EXD3: variants seen among roughly 807,000 people sequenced by gnomAD.
The protein encoded by EXD3 is exonuclease mut-7 homolog.
A neutral mutation model predicts 98.0 loss-of-function variants in EXD3; 92 were observed. That is an observed-to-expected ratio of 0.94 (90% CI 0.79 to 1.12). The LOEUF is 1.12. EXD3 is among the 50% of genes most tolerant of loss of function. The pLI is 0.00. For missense variants in EXD3, 1,222 were observed against 1,191.6 expected, an observed-to-expected ratio of 1.03 and a Z score of -0.38; for synonymous variants, 569 against 526.0, an observed-to-expected ratio of 1.08 and a Z score of -1.12.
In EXD3 at chr9:137,324,026, C is replaced by T. The variant is rs374077584; in HGVS notation, c.2052+64G>A. 6.9e-5 allele frequency: 106 copies of T among 1,545,052 alleles called. No individual in the cohort carries two copies. The highest frequency in any genetic ancestry group is 1.9e-4 in the East Asian group (8 of 41,206). On this transcript the variant is annotated intron_variant, in intron 18 of 21. Coordinates refer to ENST00000340951, the MANE Select transcript of EXD3 (RefSeq NM_017820.5). This position sits in a 1 kb window ranked among gnomAD's most constrained non-coding sequence, Gnocchi z 4.1. ...AAGCTGACCCTGAGGTGGGGGTGGC[C>T]GAGGGGCTGGGGGCTTGGGAAGATG...
At chr9:137,377,445 T>TAA (rs60776134) in intron 3 of EXD3, among the ~76,000 whole-genome samples, 1,987 of 94,382 alleles carry the variant, frequency 0.021, 60 homozygotes, top group African/African-American at 0.071. Flanking sequence ...ACTCTGTCTC[T>TAA]AAAAAAAAAA....
intron 19 of EXD3, among the ~76,000 whole-genome samples, chr9:137,318,015 G>A (rs1292879790): frequency 6.6e-6 from 1 of 152,026 alleles, no homozygotes; most frequent in Admixed American, 6.5e-5. Context: ...ACCTCTTCCT[G>A]TCTGTCCCTC....
chr9:137,391,339 G>A (rs894961077), intron 2 of EXD3, among the ~76,000 whole-genome samples: 8 of 152,238 alleles, frequency 5.3e-5, no homozygotes, highest in African/African-American at 1.9e-4. Context: ...CGTCTGGAGC[G>A]TGGACGCTGG....
rs376504398 is a variant in EXD3, at chr9:137,351,533, G to A, written c.1174-5C>T. 340 of 1,570,172 alleles carry A rather than the reference G, an allele frequency of 2.2e-4. 1 individual carries two copies. The African/African-American group carries it at 3.9e-3, about 18-fold the overall frequency. ...TACACCAACCACTTGGTGGCACTGC[G>A]GGCAGAGAGGGGCAGATGTGATCAT... On this transcript the variant is annotated splice_polypyrimidine_tract_variant and splice_region_variant and intron_variant, in intron 12 of 21. Transcript: ENST00000340951.
chr9:137,368,486 G>T (rs959878173), intron 5 of EXD3, among the ~76,000 whole-genome samples: 2 of 152,210 alleles, frequency 1.3e-5, no homozygotes, highest in Non-Finnish European at 2.9e-5. Context: ...AGGCGGAGAC[G>T]GGCACCCCGC....
At chr9:137,351,671 G>T (rs1834313925) in intron 12 of EXD3, 143 bp from the exon 13 acceptor site, 1 of 763,946 alleles carries the variant, frequency 1.3e-6, no homozygotes, top group Non-Finnish European at 2.1e-6. Context: ...GGCTGGGGCT[G>T]TTGGGGGCAC....
intron 1 of EXD3, among the ~76,000 whole-genome samples, chr9:137,397,424 G>A (rs569269674): frequency 2.4e-4 from 37 of 152,250 alleles, no homozygotes; most frequent in Admixed American, 1.3e-3. Context: ...CCACCGGAGC[G>A]AAAAACAATG....
chr9:137,315,617 G>A (rs917757918), intron 19 of EXD3, among the ~76,000 whole-genome samples: 1 of 152,102 alleles, frequency 6.6e-6, no homozygotes, highest in East Asian at 1.9e-4. Context: ...CCCCCACCCC[G>A]GGGGAGGGGG....
rs199656190 is a variant in EXD3, at chr9:137,352,050, C to T, written c.1173+16G>A. The T allele has an allele frequency of 3.7e-4, 586 of 1,602,016 alleles. No individual in the cohort carries two copies. The Middle Eastern group carries it at 7.5e-3, about 20-fold the overall frequency. On this transcript the variant is annotated intron_variant, in intron 12 of 21. Transcript: ENST00000340951. Reference sequence around the variant, plus strand: ...ATCCCACCACCGGGCGCTGCCCCAGCGGCCGAGGGAACCACCTGCAGGAGT... The same window carrying T: ...ATCCCACCACCGGGCGCTGCCCCAGTGGCCGAGGGAACCACCTGCAGGAGT...
chr9:137,383,685 G>A (rs888081754), intron 2 of EXD3, among the ~76,000 whole-genome samples: 2 of 152,212 alleles, frequency 1.3e-5, no homozygotes, highest in Non-Finnish European at 2.9e-5. Context: ...AGCAGCCCTC[G>A]TGGGCCTGAG....
Position 137,324,217 on chromosome 9 carries a change from C to T in EXD3, c.1999-74G>A, listed in dbSNP as rs1178981281. 3 of 1,278,464 alleles carry T rather than the reference C, an allele frequency of 2.3e-6. No homozygotes were observed. Among genetic ancestry groups the T allele is most frequent in the Non-Finnish European group, 3.3e-6 (3 of 908,758 alleles). 79.2% of individuals were successfully genotyped at this position (1,278,464 alleles called of 1,614,324 possible). ...TGGACTGGGCCACCTCTGCTCGCCA[C>T]CCCCTAGCTCCCCGGATCGTGGCCC... On this transcript the variant is annotated intron_variant, in intron 17 of 21. Transcript: ENST00000340951. This position sits in a 1 kb window ranked among gnomAD's most constrained non-coding sequence, Gnocchi z 4.1.
At chr9:137,321,907 C>T (rs1055122557) in intron 19 of EXD3, among the ~76,000 whole-genome samples, 17 of 152,172 alleles carry the variant, frequency 1.1e-4, no homozygotes, top group Admixed American at 1.3e-4. Flanking sequence ...GCAGCATCAA[C>T]TCCCCCCAGA....
At chr9:137,410,909 G>A (rs1837966945) in intron 1 of EXD3, among the ~76,000 whole-genome samples, 1 of 151,550 alleles carries the variant, frequency 6.6e-6, no homozygotes, top group Non-Finnish European at 1.5e-5. Context: ...CGGCCTCAGT[G>A]CTTTCCCACA....
intron 1 of EXD3, among the ~76,000 whole-genome samples, chr9:137,412,424 A>G (rs2131827499): frequency 6.6e-6 from 1 of 152,356 alleles, no homozygotes; most frequent in East Asian, 1.9e-4. Context: ...CTTGTTTCTC[A>G]GTTTTTAAAT....
chr9:137,333,591 T>C (rs1312148341), intron 17 of EXD3, among the ~76,000 whole-genome samples: 2 of 152,300 alleles, frequency 1.3e-5, no homozygotes, highest in African/African-American at 2.4e-5. Context: ...GGCTTAGCAC[T>C]GTCCCCCTTG....
chr9:137,417,717 C>T (rs1032977000), intron 1 of EXD3, among the ~76,000 whole-genome samples: 1 of 152,070 alleles, frequency 6.6e-6, no homozygotes. Flanking sequence ...TCGGCGCAGG[C>T]GACATCACCG....
chr9:137,307,134 A>G lies in EXD3; in HGVS notation c.2447T>C (p.Val816Ala). The G allele has an allele frequency of 6.3e-7, 1 of 1,599,900 alleles. No individual in the cohort carries two copies. Among genetic ancestry groups the G allele is most frequent in the Non-Finnish European group, 8.5e-7 (1 of 1,174,358 alleles). Residue 816 changes from valine (V) to alanine (A), a missense_variant, in exon 22 of 22, where the codon GTC (valine) becomes GCC (alanine). Physicochemically the swap from Val to Ala is moderately conservative, Grantham distance 64. Transcript: ENST00000340951. ...ADGTRLQLAG[V>A]PVGVLRTPGL... is the part of the protein sequence containing the mutation. ...AGGTGTCCTCAGCACACCCACCGGG[A>G]CCCCTGCCAGCTGCAGCCGGGTGCC... is the stretch of plus-strand genomic sequence containing the variant.
At chr9:137,416,713 C>T (rs1838248655) in intron 1 of EXD3, among the ~76,000 whole-genome samples, 2 of 152,232 alleles carry the variant, frequency 1.3e-5, no homozygotes, top group Admixed American at 6.5e-5. Flanking sequence ...ACCGAGGTGG[C>T]ACCAGGCGGT....
chr9:137,355,695 G>GAGGAAGGAGGAAGT (rs1484504538), intron 8 of EXD3, among the ~76,000 whole-genome samples: 1 of 70,070 alleles, frequency 1.4e-5, no homozygotes, highest in African/African-American at 4.4e-5. Flanking sequence ...AGGAGAAAGG[G>GAGGAAGGAGGAAGT]AGGAAGGAGG....
Sources: gnomAD v4.1 joint callset for allele counts (sites outside exome capture counted in the v4.1 genomes callset) on GRCh38, gnomAD v4.1.1 for gene constraint, Gnocchi (gnomAD v3.1) non-coding constraint, MANE v1.5 for transcripts, NCBI Gene and HGNC (gene_info 2026-07-23, HGNC 2026-07-21) for gene names.